The following CREBBP variants were observed in gnomAD, a reference collection of about 807,000 sequenced individuals.
CREBBP encodes CREB binding lysine acetyltransferase.
Under a neutral mutation model 265.0 loss-of-function variants are expected in CREBBP, and 19 were observed. The observed-to-expected ratio is 0.07, with a 90% CI of 0.05 to 0.11. CREBBP has a LOEUF of 0.11. Ranked by LOEUF, CREBBP falls within the 10% of genes least tolerant of loss-of-function variation. CREBBP has a pLI of 1.00. For missense variants in CREBBP, 2,525 were observed against 3,219.0 expected (o/e 0.78, Z 5.22); for synonymous variants, 1,457 against 1,223.7 (o/e 1.19, Z -3.98).
At chr16:3,850,228 T>C (rs1452964886) in intron 2 of CREBBP, 69 bp downstream of exon 2, 1 of 1,535,274 alleles carries the variant, frequency 6.5e-7, no homozygotes, top group African/African-American at 1.4e-5. Context: ...GTGGTCCCAT[T>C]TTACGCATTA....
At chr16:3,768,070 G>A (rs1056105493) in intron 15 of CREBBP, among the ~76,000 whole-genome samples, 161 bp from the exon 16 acceptor site, 2 of 140,966 alleles carry the variant, frequency 1.4e-5, no homozygotes, top group African/African-American at 5.2e-5. Flanking sequence ...AAGAAATAAA[G>A]TACTTGGTGT....
At chr16:3,827,331 T>C (rs1482324500) in intron 2 of CREBBP, among the ~76,000 whole-genome samples, 4 of 152,186 alleles carry the variant, frequency 2.6e-5, no homozygotes, top group Admixed American at 1.3e-4. Flanking sequence ...AATCAAACCT[T>C]TCCTTGCTAC....
At chr16:3,767,602 A>G in intron 16 of CREBBP, 118 bp downstream of exon 16, 1 of 1,388,032 alleles carries the variant, frequency 7.2e-7, no homozygotes, top group Non-Finnish European at 1.0e-6. Flanking sequence ...ATGGCAGGCA[A>G]GAAAGGTAAA....
intron 2 of CREBBP, among the ~76,000 whole-genome samples, chr16:3,812,642 T>G (rs952753726): frequency 6.6e-6 from 1 of 152,002 alleles, no homozygotes; most frequent in African/African-American, 2.4e-5. Flanking sequence ...CCAAGTTCCC[T>G]GATGACCCCC....
At chr16:3,761,686 C>G in intron 16 of CREBBP, 1 of 466,794 alleles carries the variant, frequency 2.1e-6, no homozygotes, top group Middle Eastern at 3.7e-4. Flanking sequence ...CAGCACTCCC[C>G]ACGCACACGG....
At chr16:3,768,080 T>C (rs533353238) in intron 15 of CREBBP, among the ~76,000 whole-genome samples, 171 bp from the exon 16 acceptor site, 1 of 151,466 alleles carries the variant, frequency 6.6e-6, no homozygotes, top group East Asian at 1.9e-4. Flanking sequence ...GTACTTGGTG[T>C]TCATTAAGTC....
intron 2 of CREBBP, among the ~76,000 whole-genome samples, chr16:3,826,563 G>A (rs2054241280): frequency 6.6e-6 from 1 of 152,088 alleles, no homozygotes; most frequent in African/African-American, 2.4e-5. Flanking sequence ...AATGGCCCTT[G>A]GCTGCTGAGA....
chr16:3,777,776 G>T, intron 10 of CREBBP, 119 bp from the exon 11 acceptor site: 3 of 1,244,548 alleles, frequency 2.4e-6, no homozygotes, highest in Non-Finnish European at 3.5e-6. Context: ...ACAGCCAATA[G>T]GTCCAAAAGC....
chr16:3,804,406 T>G (rs775095882), intron 3 of CREBBP, among the ~76,000 whole-genome samples: 1 of 152,240 alleles, frequency 6.6e-6, no homozygotes, highest in Non-Finnish European at 1.5e-5. Context: ...AATTAGTTAC[T>G]GGACAGACTG....
At chr16:3,829,250 T>C (rs2054296423) in intron 2 of CREBBP, among the ~76,000 whole-genome samples, 1 of 152,222 alleles carries the variant, frequency 6.6e-6, no homozygotes, top group Non-Finnish European at 1.5e-5. Context: ...ATGTTAGATG[T>C]GGCACTTCCC....
At position 3,849,445 on chromosome 16, in the gene CREBBP, GTGTGTGT is replaced by G. The variant is rs1567360607; in HGVS notation, c.798+845_798+851del. Among the ~76,000 whole-genome samples, 215 of 24,214 alleles carry G rather than the reference GTGTGTGT, an allele frequency of 8.9e-3. 11 individuals are homozygous for G. The highest frequency in any genetic ancestry group is 0.023 in the South Asian group (10 of 434). The allele number at this position is 24,214 out of a possible 152,430, so 15.9% of individuals were successfully genotyped here. ...TGTGTGTGTGTGTGTGTGTGTGTGT[GTGTGTGT>G]GTGTGTGTGTGTGTGTGTGTGTGTG... On this transcript the variant is annotated intron_variant, in intron 2 of 30. Coordinates refer to ENST00000262367, the MANE Select transcript of CREBBP (RefSeq NM_004380.3).
chr16:3,805,677 G>T (rs75823142), intron 3 of CREBBP, among the ~76,000 whole-genome samples: 4,409 of 152,280 alleles, frequency 0.029, 216 homozygotes, highest in East Asian at 0.19. Flanking sequence ...GTTGGGGAGT[G>T]GGGGAAGATT....
intron 2 of CREBBP, among the ~76,000 whole-genome samples, chr16:3,842,909 T>C (rs1006266700): frequency 2.1e-5 from 3 of 141,342 alleles, no homozygotes; most frequent in African/African-American, 8.2e-5. Flanking sequence ...GGGGTTGCAG[T>C]GAGCTGAGAT....
chr16:3,751,418 C>T (rs1229870024), intron 20 of CREBBP, among the ~76,000 whole-genome samples: 2 of 152,090 alleles, frequency 1.3e-5, no homozygotes, highest in South Asian at 2.1e-4. Context: ...GGCGAGACCT[C>T]GTCTCTACAA....
intron 1 of CREBBP, among the ~76,000 whole-genome samples, chr16:3,861,758 C>T (rs2055079673): frequency 7.3e-6 from 1 of 136,872 alleles, no homozygotes; most frequent in Admixed American, 7.3e-5. Flanking sequence ...AGACATCTAA[C>T]TTTTTTTTTT....
At chr16:3,768,145 T>TTTTTTG in intron 15 of CREBBP, among the ~76,000 whole-genome samples, 1 of 102,830 alleles carries the variant, frequency 9.7e-6, no homozygotes, top group Non-Finnish European at 1.8e-5. Context: ...TGTTTTTTTT[T>TTTTTTG]TTTTTTTTTT....
At chr16:3,774,184 G>A (rs1283202162) in intron 12 of CREBBP, among the ~76,000 whole-genome samples, 1 of 152,118 alleles carries the variant, frequency 6.6e-6, no homozygotes, top group African/African-American at 2.4e-5. Context: ...ATCAATAGCA[G>A]GCTATAATTT....
intron 1 of CREBBP, among the ~76,000 whole-genome samples, chr16:3,871,345 G>C (rs1484618764): frequency 6.6e-6 from 1 of 152,156 alleles, no homozygotes. Flanking sequence ...TCCCTCCTCA[G>C]CACCACACTG....
At chr16:3,760,397 T>G (rs1358650577) in intron 16 of CREBBP, among the ~76,000 whole-genome samples, 2 of 109,604 alleles carry the variant, frequency 1.8e-5, no homozygotes, top group African/African-American at 5.0e-5. Context: ...CCAGGTTTTT[T>G]TTTTTTTTTT....
Sources: gnomAD v4.1 joint callset for allele counts (sites outside exome capture counted in the v4.1 genomes callset) on GRCh38, gnomAD v4.1.1 for gene constraint, MANE v1.5 for transcripts, NCBI Gene and HGNC (gene_info 2026-07-23, HGNC 2026-07-21) for gene names.